The following EVL variants were observed in gnomAD, a reference collection of about 807,000 sequenced individuals.
EVL encodes the protein Enah/Vasp-like.
EVL carries 21 observed loss-of-function variants against 59.6 expected under a neutral mutation model. The ratio of observed to expected loss-of-function variants is 0.35; its 90% CI spans 0.25 to 0.51. EVL has a LOEUF of 0.51. Among genes scored for constraint, EVL ranks in the 20% least tolerant of loss-of-function variants. The pLI, the probability that EVL is intolerant of heterozygous loss-of-function variation, is 0.97. For missense variants in EVL, 462 were observed against 546.6 expected (o/e 0.85, Z 1.54); for synonymous variants, 198 against 203.5 (o/e 0.97, Z 0.23).
intron 1 of EVL, chr14:99,977,210 G>A (rs2060776137): frequency 6.6e-6 from 1 of 152,104 alleles, no homozygotes; most frequent in South Asian, 2.1e-4. Context: ...TTAAGAATAA[G>A]TCTTTAACTC....
At chr14:99,998,090 G>C (rs2060925135) in intron 1 of EVL, among the ~76,000 whole-genome samples, 1 of 151,808 alleles carries the variant, frequency 6.6e-6, no homozygotes, top group Non-Finnish European at 1.5e-5. Flanking sequence ...TGTGATCATG[G>C]CTCACTGTAG....
intron 1 of EVL, among the ~76,000 whole-genome samples, chr14:100,068,323 A>G (rs1443261145): frequency 6.6e-6 from 1 of 152,144 alleles, no homozygotes; most frequent in Non-Finnish European, 1.5e-5. Flanking sequence ...AAGAAGGAAG[A>G]GTGAAGGCAA....
At chr14:100,090,552 C>T (rs182936672) in intron 2 of EVL, among the ~76,000 whole-genome samples, 29 of 152,146 alleles carry the variant, frequency 1.9e-4, no homozygotes, top group Non-Finnish European at 3.1e-4. Context: ...AGTAAGTAAG[C>T]CTGAACAAAC....
chr14:100,140,987 C>T, intron 11 of EVL, 193 bp from the exon 12 acceptor site: 2 of 531,364 alleles, frequency 3.8e-6, no homozygotes, highest in East Asian at 6.5e-5. Flanking sequence ...GTCACGGTAT[C>T]CATGGAGACC....
At chr14:100,125,537 G>A (rs1366956969) in intron 4 of EVL, among the ~76,000 whole-genome samples, 1 of 151,874 alleles carries the variant, frequency 6.6e-6, no homozygotes, top group Non-Finnish European at 1.5e-5. Flanking sequence ...AGACCTTAAT[G>A]CTAAAAGGGG....
Position 99,982,929 on chromosome 14 carries a change from A to G in EVL, c.5+10872A>G, listed in dbSNP as rs908213194. ...CCTTTATGAGCCTCCGTTTTTCTCAAGTATAAATGAGGACAGTTCACTTTC... is the reference window on the plus strand; with the variant it reads ...CCTTTATGAGCCTCCGTTTTTCTCAGGTATAAATGAGGACAGTTCACTTTC... On this transcript the variant is annotated intron_variant, in intron 1 of 13. Coordinates refer to the EVL transcript ENST00000402714. 5.3e-5 allele frequency among the ~76,000 whole-genome samples: 8 copies of G among 152,210 alleles called. No homozygotes were observed. In the East Asian group the frequency reaches 1.3e-3, roughly 26 times the overall value.
At position 100,127,279 on chromosome 14, in the gene EVL, G is replaced by A. The variant is rs1020224447; in HGVS notation, c.487+508G>A. Reference sequence around the variant, plus strand: ...AGCACGTTAAAGGAGAAGGACGAGGGTTTTCCAGAAATTGTCATGTTCACT... The same window carrying A: ...AGCACGTTAAAGGAGAAGGACGAGGATTTTCCAGAAATTGTCATGTTCACT... On this transcript the variant is annotated intron_variant, in intron 5 of 13. Coordinates refer to ENST00000392920, the MANE Select transcript of EVL (RefSeq NM_016337.3). This position sits in a 1 kb window ranked among gnomAD's most constrained non-coding sequence, Gnocchi z 4.2. Among the ~76,000 whole-genome samples, 19 of 152,226 alleles carry A rather than the reference G, an allele frequency of 1.2e-4. No individual in the cohort carries two copies. Among genetic ancestry groups the A allele is most frequent in the Non-Finnish European group, 2.2e-4 (15 of 68,032 alleles).
intron 11 of EVL, 42 bp downstream of exon 11, chr14:100,137,844 G>C: frequency 6.3e-7 from 1 of 1,589,736 alleles, no homozygotes; most frequent in South Asian, 1.1e-5. Flanking sequence ...CCAGGGTTTG[G>C]GGCTCCTCTG....
chr14:99,986,502 C>T (rs1053563513), intron 1 of EVL, among the ~76,000 whole-genome samples: 8 of 151,970 alleles, frequency 5.3e-5, no homozygotes, highest in Non-Finnish European at 7.4e-5. Context: ...AGAGGAGCAG[C>T]GCTAGGAAGG....
In EVL at chr14:100,127,801, C is replaced by T. The variant is rs750836073; in HGVS notation, c.488-718C>T. 8.5e-5 allele frequency among the ~76,000 whole-genome samples: 13 copies of T among 152,346 alleles called. No individual in the cohort carries two copies. The highest frequency in any genetic ancestry group is 3.3e-4 in the Admixed American group (5 of 15,306). ...CCCTCTTTGTATGCCAACATGGCGC[C>T]GTGTGCCTGCCCTTGGTAACACTTG... is the stretch of plus-strand genomic sequence containing the variant. On this transcript the variant is annotated intron_variant, in intron 5 of 13. Coordinates refer to ENST00000392920, the MANE Select transcript of EVL (RefSeq NM_016337.3). The surrounding 1 kb of genome is among the most constrained non-coding windows in gnomAD (Gnocchi z 4.2).
At chr14:99,999,958 G>A (rs946092055) in intron 1 of EVL, among the ~76,000 whole-genome samples, 1 of 152,302 alleles carries the variant, frequency 6.6e-6, no homozygotes, top group Non-Finnish European at 1.5e-5. Context: ...GAAGCCTTTA[G>A]AAGTGCTTTT....
intron 1 of EVL, 42 bp from the exon 2 acceptor site, chr14:100,084,645 C>T (rs2062397301): frequency 6.2e-7 from 1 of 1,600,888 alleles, no homozygotes; most frequent in Non-Finnish European, 8.5e-7. Context: ...AACTTCCATC[C>T]ACTGTAGCTG....
intron 3 of EVL, among the ~76,000 whole-genome samples, chr14:100,115,048 A>G (rs960357043): frequency 5.3e-5 from 8 of 151,696 alleles, no homozygotes; most frequent in Non-Finnish European, 8.8e-5. Flanking sequence ...TTAGTCACAA[A>G]AAAAAAAACA....
chr14:100,129,903 C>T (rs577318965), intron 7 of EVL, among the ~76,000 whole-genome samples: 1 of 152,374 alleles, frequency 6.6e-6, no homozygotes, highest in East Asian at 1.9e-4. Context: ...CATTTTAGCT[C>T]AGCAAATATT....
At chr14:100,080,645 A>C (rs1193069689) in intron 1 of EVL, among the ~76,000 whole-genome samples, 1 of 152,250 alleles carries the variant, frequency 6.6e-6, no homozygotes, top group Admixed American at 6.5e-5. Flanking sequence ...CGAAGGCCCA[A>C]AATGACAGGG....
At chr14:100,084,533 C>T (rs1414948335) in intron 1 of EVL, among the ~76,000 whole-genome samples, 154 bp from the exon 2 acceptor site, 1 of 152,196 alleles carries the variant, frequency 6.6e-6, no homozygotes, top group African/African-American at 2.4e-5. Flanking sequence ...AAGCTCATCA[C>T]CTCACCAGGC....
upstream of EVL, among the ~76,000 whole-genome samples, chr14:100,061,592 AC>A (rs1260388713): frequency 6.6e-6 from 1 of 151,886 alleles, no homozygotes; most frequent in East Asian, 1.9e-4. Flanking sequence ...CACGCACATG[AC>A]TTGAACAATC....
intron 1 of EVL, among the ~76,000 whole-genome samples, chr14:99,987,229 A>G (rs1017690406): frequency 6.6e-6 from 1 of 152,204 alleles, no homozygotes; most frequent in African/African-American, 2.4e-5. Context: ...GTGTGCTCCC[A>G]AAATTCATAT....
intron 1 of EVL, among the ~76,000 whole-genome samples, chr14:100,028,519 T>C (rs987244594): frequency 6.6e-6 from 1 of 152,086 alleles, no homozygotes; most frequent in Non-Finnish European, 1.5e-5. Flanking sequence ...TACTTAAAAA[T>C]AACAATCTAT....
Sources: allele counts gnomAD v4.1 joint callset (sites outside exome capture counted in the v4.1 genomes callset), GRCh38; gene constraint gnomAD v4.1.1; non-coding constraint Gnocchi (gnomAD v3.1); transcripts MANE v1.5; gene names NCBI Gene and HGNC (gene_info 2026-07-23, HGNC 2026-07-21).